Variants in ETFBKMT observed in about 807,000 individuals in gnomAD.
ETFBKMT encodes the protein electron transfer flavoprotein subunit beta lysine methyltransferase.
ETFBKMT carries 13 observed loss-of-function variants against 18.3 expected under a neutral mutation model. The ratio of observed to expected loss-of-function variants is 0.71; its 90% CI spans 0.46 to 1.13. The LOEUF is 1.13. ETFBKMT is among the 50% of genes most tolerant of loss of function. ETFBKMT has a pLI of 0.00. For missense variants in ETFBKMT, 293 were observed against 306.2 expected (o/e 0.96, Z 0.32); for synonymous variants, 84 against 107.9 (o/e 0.78, Z 1.37).
intron 1 of ETFBKMT, among the ~76,000 whole-genome samples, chr12:31,647,431 G>C (rs1325608305): frequency 6.6e-6 from 1 of 152,150 alleles, no homozygotes; most frequent in Non-Finnish European, 1.5e-5. Flanking sequence ...TCTACTGCCA[G>C]CTATTTATGA....
rs1019584155 is a variant in ETFBKMT at position 31,670,754 on chromosome 12, A to C, written c.*2764A>C. ...CTTTCCATATTTACTTATTCAATGAATATTTGAGTGCTTATTATATACCAG... is the reference window on the plus strand; with the variant it reads ...CTTTCCATATTTACTTATTCAATGACTATTTGAGTGCTTATTATATACCAG... On this transcript the variant is annotated 3_prime_UTR_variant, in exon 4 of 4. Coordinates refer to ENST00000357721, the MANE Select transcript of ETFBKMT (RefSeq NM_001135863.2). 2 of 152,126 alleles carry C rather than the reference A, an allele frequency of 1.3e-5. No individual in the cohort carries two copies. Among genetic ancestry groups the C allele is most frequent in the Non-Finnish European group, 2.9e-5 (2 of 68,052 alleles). 9.4% of individuals were successfully genotyped at this position (152,126 alleles called of 1,614,324 possible).
intron 2 of ETFBKMT, among the ~76,000 whole-genome samples, chr12:31,663,997 C>T (rs1951162983): frequency 6.6e-6 from 1 of 151,532 alleles, no homozygotes; most frequent in South Asian, 2.1e-4. Context: ...TTGCTTACTC[C>T]CGTATCTCTT....
At chr12:31,650,413 A>AT (rs1951006397) in intron 1 of ETFBKMT, among the ~76,000 whole-genome samples, 1 of 152,156 alleles carries the variant, frequency 6.6e-6, no homozygotes, top group Non-Finnish European at 1.5e-5. Flanking sequence ...AGAAATAACC[A>AT]TAAAAAATGG....
intron 1 of ETFBKMT, among the ~76,000 whole-genome samples, chr12:31,651,602 G>T (rs1246806879): frequency 6.6e-6 from 1 of 152,128 alleles, no homozygotes; most frequent in Admixed American, 6.5e-5. Flanking sequence ...AAAGTGCTGA[G>T]ATTACAGACA....
upstream of ETFBKMT, chr12:31,659,612 C>T (rs1951093749): frequency 6.6e-6 from 1 of 152,192 alleles, no homozygotes; most frequent in African/African-American, 2.4e-5. Flanking sequence ...CAAATAATCT[C>T]TATTTGCTCT....
chr12:31,667,784 C>T lies in ETFBKMT; in HGVS notation c.583C>T (p.Leu195Phe), dbSNP rs11051523. ...TGGCGATATGTTTTATGATGAAGAC[C>T]TTGCAGATAGTCTTCATCAGTGGCT... The part of the protein sequence containing the change: ...VLGDMFYDED[L>F]ADSLHQWLKK... Residue 195 changes from leucine (L) to phenylalanine (F), a missense_variant, in exon 4 of 4, where the codon CTT (leucine) becomes TTT (phenylalanine). By Grantham distance (22) the Leu-to-Phe change is conservative. Coordinates refer to ENST00000357721, the MANE Select transcript of ETFBKMT (RefSeq NM_001135863.2). 33 of 1,614,026 alleles carry T rather than the reference C, an allele frequency of 2.0e-5. No homozygotes were observed. The Admixed American group carries it at 5.3e-4, about 26-fold the overall frequency.
intron 2 of ETFBKMT, among the ~76,000 whole-genome samples, chr12:31,663,248 A>G (rs1281734473): frequency 2.0e-5 from 3 of 152,094 alleles, no homozygotes; most frequent in African/African-American, 7.2e-5. Flanking sequence ...TCATGCCACC[A>G]TGCCCGGCTA....
At chr12:31,654,226 T>G (rs1201410690), upstream of ETFBKMT, among the ~76,000 whole-genome samples, 1 of 152,146 alleles carries the variant, frequency 6.6e-6, no homozygotes, top group Non-Finnish European at 1.5e-5. Context: ...ATTTTTGTAT[T>G]TTTAGTAGAG....
intron 1 of ETFBKMT, among the ~76,000 whole-genome samples, chr12:31,651,431 G>C (rs897332477): frequency 6.6e-6 from 1 of 151,654 alleles, no homozygotes; most frequent in Non-Finnish European, 1.5e-5. Context: ...CCGGGTTCAA[G>C]CAATTCTCTA....
At chr12:31,665,584 T>TA (rs1309108041) in intron 2 of ETFBKMT, among the ~76,000 whole-genome samples, 6 of 152,116 alleles carry the variant, frequency 3.9e-5, no homozygotes, top group Non-Finnish European at 8.8e-5. Flanking sequence ...GAATTAAAGA[T>TA]ACACACACAG....
rs1327328994 is a variant in ETFBKMT, at chr12:31,670,354, A to G, written c.*2364A>G. On this transcript the variant is annotated 3_prime_UTR_variant, in exon 4 of 4. Coordinates refer to ENST00000357721, the MANE Select transcript of ETFBKMT (RefSeq NM_001135863.2). ...TGGATCTAAGTGTTGTTGACTTTTC[A>G]GTTTATTGAGCTTTTTTCTTATTGT... 1 of 152,118 alleles carries G rather than the reference A, an allele frequency of 6.6e-6. No homozygotes were observed. Among genetic ancestry groups the G allele is most frequent in the East Asian group, 1.9e-4 (1 of 5,198 alleles). The allele number at this position is 152,118 out of a possible 1,614,324, so 9.4% of individuals were successfully genotyped here.
chr12:31,671,693 C>T lies in ETFBKMT; in HGVS notation c.*3703C>T, dbSNP rs1400238649. ...AACTGGGAAGAGTAGCCATAAAAAT[C>T]AATGAATGGATGTGGCTGGGCAAGA... is the stretch of plus-strand genomic sequence containing the variant. On this transcript the variant is annotated 3_prime_UTR_variant, in exon 4 of 4. Transcript: ENST00000357721. 1.3e-5 allele frequency: 2 copies of T among 152,152 alleles called. No individual in the cohort carries two copies. The highest frequency in any genetic ancestry group is 2.9e-5 in the Non-Finnish European group (2 of 68,036). The allele number at this position is 152,152 out of a possible 1,614,324, so 9.4% of individuals were successfully genotyped here.
chr12:31,650,415 A>G (rs555801540), intron 1 of ETFBKMT, among the ~76,000 whole-genome samples: 1 of 152,254 alleles, frequency 6.6e-6, no homozygotes, highest in South Asian at 2.1e-4. Context: ...AAATAACCAT[A>G]AAAAATGGGC....
intron 1 of ETFBKMT, among the ~76,000 whole-genome samples, chr12:31,652,933 T>G (rs10771861): frequency 0.97 from 147,129 of 152,366 alleles, 71,250 homozygotes; most frequent in East Asian, 1. Flanking sequence ...GCCAGGCCGG[T>G]CGCGGTGGCT....
At chr12:31,659,949 G>A (rs1481865467) in intron 1 of ETFBKMT, 160 bp downstream of exon 1, 1 of 138,368 alleles carries the variant, frequency 7.2e-6, no homozygotes, top group African/African-American at 2.8e-5. Context: ...AGGAGTTCCA[G>A]ACCAGTCTGG....
At chr12:31,663,899 T>C (rs1951161931) in intron 2 of ETFBKMT, among the ~76,000 whole-genome samples, 2 of 152,098 alleles carry the variant, frequency 1.3e-5, no homozygotes, top group Admixed American at 6.6e-5. Flanking sequence ...TCTGACAAAA[T>C]TGCTCATCTT....
Position 31,668,062 on chromosome 12 carries a change from A to C in ETFBKMT, c.*72A>C. 2 of 1,166,942 alleles carry C rather than the reference A, an allele frequency of 1.7e-6. No individual in the cohort carries two copies. Among genetic ancestry groups the C allele is most frequent in the Non-Finnish European group, 2.4e-6 (2 of 820,772 alleles). 72.3% of individuals were successfully genotyped at this position (1,166,942 alleles called of 1,614,324 possible). A position where few individuals can be genotyped will look rare whatever the true frequency, so the allele number is the denominator to read the frequency against. On this transcript the variant is annotated 3_prime_UTR_variant, in exon 4 of 4. Transcript: ENST00000357721. ...ACTCTAAAAGTTTTCTCTATAGGAGATACTCTCCAGTTTAATGAATGTAAT... is the reference window on the plus strand; with the variant it reads ...ACTCTAAAAGTTTTCTCTATAGGAGCTACTCTCCAGTTTAATGAATGTAAT...
At chr12:31,656,161 T>C (rs1411948582), upstream of ETFBKMT, among the ~76,000 whole-genome samples, 3 of 152,194 alleles carry the variant, frequency 2.0e-5, no homozygotes, top group Non-Finnish European at 1.5e-5. Context: ...CTGCTTGATA[T>C]GCTTGTTGTA....
Position 31,666,104 on chromosome 12 carries a change from C to T in ETFBKMT, c.332C>T (p.Pro111Leu), listed in dbSNP as rs1199248442. 1 of 1,612,608 alleles carries T rather than the reference C, an allele frequency of 6.2e-7. No individual in the cohort carries two copies. Among genetic ancestry groups the T allele is most frequent in the Non-Finnish European group, 8.5e-7 (1 of 1,179,380 alleles). Residue 111 changes from proline (P) to leucine (L), a missense_variant, in exon 3 of 4, where the codon CCT becomes CTT. Coordinates refer to ENST00000357721, the MANE Select transcript of ETFBKMT (RefSeq NM_001135863.2). The stretch of plus-strand genomic sequence containing the variant: ...TAATTTAGGTATCTTTTGGATAATC[C>T]TGATGTTGTCAGAGGAAAATCTGTA... ...QALSRYLLDN[P>L]DVVRGKSVLD...
Sources: allele counts gnomAD v4.1 joint callset (sites outside exome capture counted in the v4.1 genomes callset), GRCh38; gene constraint gnomAD v4.1.1; transcripts MANE v1.5; gene names NCBI Gene and HGNC (gene_info 2026-07-23, HGNC 2026-07-21).